The following PARN variants were observed in gnomAD, a reference collection of about 807,000 sequenced individuals.
PARN encodes the protein poly(A)-specific ribonuclease, also known as poly(A)-specific ribonuclease PARN.
A neutral mutation model predicts 102.8 loss-of-function variants in PARN; 71 were observed. That is an observed-to-expected ratio of 0.69 (90% CI 0.57 to 0.84). The LOEUF is 0.84. PARN is among the 40% of genes least tolerant of loss of function. The probability of loss-of-function intolerance (pLI) is 0.00; values close to 1 mark genes in which losing one functional copy is unlikely to be tolerated. For missense variants in PARN, 782 were observed against 760.9 expected (o/e 1.03, Z -0.33); for synonymous variants, 261 against 252.9 (o/e 1.03, Z -0.30).
chr16:14,454,806 TTG>T (rs1416793949), intron 22 of PARN, among the ~76,000 whole-genome samples: 2 of 152,252 alleles, frequency 1.3e-5, no homozygotes, highest in Non-Finnish European at 2.9e-5. Flanking sequence ...TTTCATAGCA[TTG>T]TGTTACATGT....
intron 20 of PARN, 117 bp from the exon 21 acceptor site, chr16:14,552,212 T>G: frequency 1.5e-6 from 1 of 663,126 alleles, no homozygotes; most frequent in Non-Finnish European, 2.6e-6. Context: ...AGAAGGTGCT[T>G]ATTTAAAATG....
chr16:14,452,347 C>T (rs1961500362), intron 22 of PARN, among the ~76,000 whole-genome samples: 1 of 152,146 alleles, frequency 6.6e-6, no homozygotes, highest in South Asian at 2.1e-4. Flanking sequence ...AAGCATTTTC[C>T]TGAACAGTTT....
intron 21 of PARN, among the ~76,000 whole-genome samples, chr16:14,527,716 G>A (rs1294317630): frequency 1.3e-5 from 2 of 152,136 alleles, no homozygotes; most frequent in Admixed American, 6.5e-5. Flanking sequence ...CATCTAACAC[G>A]TGTTTTCTCT....
chr16:14,608,475 G>A (rs1971327637), intron 8 of PARN, among the ~76,000 whole-genome samples, 156 bp from the exon 9 acceptor site: 1 of 152,128 alleles, frequency 6.6e-6, no homozygotes, highest in African/African-American at 2.4e-5. Flanking sequence ...TTGAGGTGGG[G>A]GGATTTCCTC....
chr16:14,557,948 C>T (rs1318032470), intron 18 of PARN, among the ~76,000 whole-genome samples: 1 of 152,126 alleles, frequency 6.6e-6, no homozygotes, highest in African/African-American at 2.4e-5. Context: ...TCATTATTTT[C>T]GCCTACCAGA....
chr16:14,443,749 T>C (rs1193482919), intron 23 of PARN, among the ~76,000 whole-genome samples: 1 of 152,196 alleles, frequency 6.6e-6, no homozygotes, highest in Non-Finnish European at 1.5e-5. Flanking sequence ...ACTTCCTCCT[T>C]GGAGAACAGA....
intron 8 of PARN, 24 bp from the exon 9 acceptor site, chr16:14,608,343 T>C (rs1477353018): frequency 6.7e-7 from 1 of 1,485,020 alleles, no homozygotes; most frequent in Non-Finnish European, 9.1e-7. Flanking sequence ...AGAAAAGGTA[T>C]TGATTTTGGC....
intron 12 of PARN, among the ~76,000 whole-genome samples, chr16:14,597,246 T>C (rs1294503491): frequency 6.6e-6 from 1 of 152,242 alleles, no homozygotes; most frequent in African/African-American, 2.4e-5. Context: ...AGGATTTTCA[T>C]GGTCTCAAAG....
intron 23 of PARN, among the ~76,000 whole-genome samples, chr16:14,446,201 A>T (rs534159903): frequency 9.2e-5 from 14 of 152,312 alleles, no homozygotes; most frequent in African/African-American, 3.4e-4. Flanking sequence ...TGAGTGAGGC[A>T]CATCTGCGGG....
intron 18 of PARN, among the ~76,000 whole-genome samples, chr16:14,568,340 G>A (rs540562201): frequency 4.6e-5 from 7 of 150,824 alleles, no homozygotes; most frequent in African/African-American, 1.7e-4. Context: ...AGCCTCCCGA[G>A]TAGCTGGGAC....
At chr16:14,444,888 T>C (rs1961127206) in intron 23 of PARN, among the ~76,000 whole-genome samples, 1 of 152,048 alleles carries the variant, frequency 6.6e-6, no homozygotes, top group African/African-American at 2.4e-5. Flanking sequence ...GATGCGATCA[T>C]AGCTCACTGC....
rs1373892520 is a variant in PARN, at chr16:14,554,134, G to T, written c.1336C>A (p.His446Asn). 6.2e-7 allele frequency: 1 copy of T among 1,612,918 alleles called. No homozygotes were observed. Among genetic ancestry groups the T allele is most frequent in the East Asian group, 2.2e-5 (1 of 44,876 alleles). Residue 446 changes from histidine to asparagine, a missense_variant, in exon 20 of 24, where the codon CAT becomes AAT. Physicochemically the swap from His to Asn is moderately conservative, Grantham distance 68. Transcript: ENST00000437198. The part of the protein sequence containing the change: ...EGPDLQPKRD[H>N]VLHVTFPKEW... ...TTGGGGAATGTCACATGGAGAACAT[G>T]ATCACGTTTAGGCTGCACTACAAGA...
intron 22 of PARN, among the ~76,000 whole-genome samples, chr16:14,456,469 T>C (rs959346194): frequency 3.9e-5 from 6 of 152,164 alleles, no homozygotes; most frequent in African/African-American, 1.4e-4. Context: ...CCATCATGCC[T>C]GGCCTACAGT....
At chr16:14,463,833 T>TC (rs1962144148) in intron 22 of PARN, among the ~76,000 whole-genome samples, 3 of 114,532 alleles carry the variant, frequency 2.6e-5, no homozygotes. Context: ...CCAAACTTTT[T>TC]TTTTTGGGGG....
At chr16:14,601,072 T>A (rs1381094774) in intron 11 of PARN, among the ~76,000 whole-genome samples, 1 of 152,156 alleles carries the variant, frequency 6.6e-6, no homozygotes, top group East Asian at 1.9e-4. Context: ...TGGAGGCTCA[T>A]CCCAAAAAGA....
chr16:14,512,574 T>C (rs935577466), intron 21 of PARN, among the ~76,000 whole-genome samples: 3 of 152,176 alleles, frequency 2.0e-5, no homozygotes, highest in African/African-American at 4.8e-5. Flanking sequence ...GGTGTGTCTA[T>C]GAGGAGGAGG....
chr16:14,459,794 G>T (rs373614353), intron 22 of PARN, among the ~76,000 whole-genome samples: 1 of 152,152 alleles, frequency 6.6e-6, no homozygotes, highest in Non-Finnish European at 1.5e-5. Context: ...ATTGGTGAAA[G>T]AACAGACATA....
At chr16:14,439,654 G>A (rs192651702) in intron 23 of PARN, among the ~76,000 whole-genome samples, 1 of 152,148 alleles carries the variant, frequency 6.6e-6, no homozygotes, top group East Asian at 1.9e-4. Flanking sequence ...AAAATCCAAG[G>A]GGAAAAATCT....
At chr16:14,511,122 A>C (rs548623476) in intron 21 of PARN, among the ~76,000 whole-genome samples, 1 of 152,224 alleles carries the variant, frequency 6.6e-6, no homozygotes, top group Non-Finnish European at 1.5e-5. Context: ...ATTTCCTTTA[A>C]ATTATACATT....
Sources: gnomAD v4.1 joint callset for allele counts (sites outside exome capture counted in the v4.1 genomes callset) on GRCh38, gnomAD v4.1.1 for gene constraint, MANE v1.5 for transcripts, NCBI Gene and HGNC (gene_info 2026-07-23, HGNC 2026-07-21) for gene names.